Variants in TENM1 observed in about 807,000 individuals in gnomAD.
TENM1 encodes teneurin transmembrane protein 1.
Under a neutral mutation model 174.8 loss-of-function variants are expected in TENM1, and 35 were observed. The observed-to-expected ratio is 0.20, with a 90% CI of 0.15 to 0.27. The LOEUF (loss-of-function observed/expected upper bound fraction) is 0.27. TENM1 is among the 10% of genes least tolerant of loss of function. The probability of loss-of-function intolerance (pLI) is 1.00; values close to 1 mark genes in which losing one functional copy is unlikely to be tolerated. For synonymous variants in TENM1, 781 were observed against 798.7 expected, an observed-to-expected ratio of 0.98 and a Z score of 0.37; for missense variants, 1,633 against 2,130.1, an observed-to-expected ratio of 0.77 and a Z score of 4.59.
chrX:124,510,687 C>G (rs899258364), intron 18 of TENM1, among the ~76,000 whole-genome samples: 4 of 110,307 alleles, frequency 3.6e-5, no homozygotes, highest in Non-Finnish European at 7.6e-5. Context: ...GGCTTATCAT[C>G]TTACCAATGG....
chrX:124,492,205 G>A (rs1231603271), intron 20 of TENM1, among the ~76,000 whole-genome samples: 3 of 111,259 alleles, frequency 2.7e-5, no homozygotes, highest in East Asian at 2.8e-4. Flanking sequence ...GGCTATATTC[G>A]TCTGTGTTTC....
At chrX:124,641,089 T>A (rs1029018829) in intron 11 of TENM1, among the ~76,000 whole-genome samples, 17 of 111,020 alleles carry the variant, frequency 1.5e-4, no homozygotes, top group Non-Finnish European at 1.9e-5. Context: ...CAATAGCATC[T>A]CATGAAGAGG....
At chrX:124,799,428 C>T (rs1049138100) in intron 3 of TENM1, among the ~76,000 whole-genome samples, 7 of 110,539 alleles carry the variant, frequency 6.3e-5, no homozygotes, top group African/African-American at 2.3e-4. Context: ...TAGCTGTATT[C>T]CTAGGTATTT....
chrX:124,868,499 A>G (rs746726791), intron 3 of TENM1, among the ~76,000 whole-genome samples: 1 of 111,614 alleles, frequency 9.0e-6, no homozygotes, highest in South Asian at 3.8e-4. Flanking sequence ...TAAAGACTTA[A>G]ATCTAAGACC....
chrX:125,160,433 CAGG>C, the TENM1 span, among the ~76,000 whole-genome samples: 1 of 101,571 alleles, frequency 9.8e-6, no homozygotes, highest in Non-Finnish European at 2.0e-5. Flanking sequence ...GAGGCTGAGG[CAGG>C]AGAATTGTTG....
At chrX:124,872,029 T>TAAAAA (rs1344544670) in intron 3 of TENM1, among the ~76,000 whole-genome samples, 1 of 58,315 alleles carries the variant, frequency 1.7e-5, no homozygotes, top group African/African-American at 9.8e-5. Flanking sequence ...AGACTCTGTC[T>TAAAAA]CAAAAAAAAA....
At chrX:124,683,874 G>A (rs2052295891) in intron 5 of TENM1, among the ~76,000 whole-genome samples, 1 of 111,790 alleles carries the variant, frequency 8.9e-6, no homozygotes, top group Admixed American at 9.5e-5. Flanking sequence ...AATGTTTCCT[G>A]AAATGCTTTA....
intron 3 of TENM1, among the ~76,000 whole-genome samples, chrX:124,741,602 G>A (rs754256298): frequency 5.4e-5 from 6 of 111,928 alleles, no homozygotes; most frequent in South Asian, 3.7e-4. Flanking sequence ...AGGGATACGC[G>A]AATGCCATAC....
At chrX:124,738,898 T>C (rs773240231) in intron 3 of TENM1, among the ~76,000 whole-genome samples, 4 of 112,281 alleles carry the variant, frequency 3.6e-5, no homozygotes, top group Non-Finnish European at 7.5e-5. Context: ...AACTCACATC[T>C]CTTGACTCTC....
intron 5 of TENM1, among the ~76,000 whole-genome samples, chrX:124,676,308 AT>A (rs2052083483): frequency 1.7e-5 from 1 of 58,155 alleles, no homozygotes; most frequent in Non-Finnish European, 3.2e-5. Flanking sequence ...ATATATATAT[AT>A]ATATACTCAA....
At chrX:124,974,582 C>A in the TENM1 span, among the ~76,000 whole-genome samples, 12 of 110,214 alleles carry the variant, frequency 1.1e-4, no homozygotes, top group Non-Finnish European at 2.3e-4. Context: ...GATCTCACAT[C>A]TCTTTTTGTA....
At chrX:124,444,429 G>A (rs978650009) in intron 23 of TENM1, among the ~76,000 whole-genome samples, 3 of 111,662 alleles carry the variant, frequency 2.7e-5, no homozygotes, top group African/African-American at 3.3e-5. Flanking sequence ...AAAAAATCCC[G>A]GTCAACTTTA....
At chrX:124,979,176 C>A in the TENM1 span, among the ~76,000 whole-genome samples, 1 of 112,852 alleles carries the variant, frequency 8.9e-6, no homozygotes, top group African/African-American at 3.2e-5. Flanking sequence ...CAGTCCCAGG[C>A]CTAATCATCA....
At chrX:125,061,452 G>C in the TENM1 span, among the ~76,000 whole-genome samples, 1 of 111,806 alleles carries the variant, frequency 8.9e-6, no homozygotes, top group East Asian at 2.8e-4. Flanking sequence ...ATTGTGCTTG[G>C]CTACAGTATG....
intron 3 of TENM1, among the ~76,000 whole-genome samples, chrX:124,890,638 C>T (rs985622201): frequency 3.6e-5 from 4 of 111,147 alleles, no homozygotes; most frequent in Non-Finnish European, 7.5e-5. Context: ...TAGCATCTCA[C>T]CCCAGTTACA....
chrX:124,385,891 G>A (rs758088621), exon 29 of TENM1: 1 of 1,210,431 alleles, frequency 8.3e-7, no homozygotes, highest in South Asian at 1.8e-5. Flanking sequence ...TATAGTCTTG[G>A]ATAAAAGAAG....
intron 1 of TENM1, among the ~76,000 whole-genome samples, chrX:124,927,353 C>A (rs1379317655): frequency 1.8e-5 from 2 of 111,467 alleles, no homozygotes; most frequent in African/African-American, 6.5e-5. Context: ...TCCCCACTTA[C>A]ATAAAAACTA....
At chrX:124,405,409 T>A (rs2060452381) in intron 26 of TENM1, 143 bp from the exon 30 acceptor site, 1 of 464,356 alleles carries the variant, frequency 2.2e-6, no homozygotes, top group African/African-American at 2.4e-5. Flanking sequence ...TGGGCTAGAC[T>A]ACCGCTCTGA....
At chrX:124,398,300 GT>G (rs1404173962) in intron 27 of TENM1, among the ~76,000 whole-genome samples, 1 of 108,080 alleles carries the variant, frequency 9.3e-6, no homozygotes, top group Non-Finnish European at 1.9e-5. Context: ...AAGGTAATTA[GT>G]ATTTGATTTT....
Sources: allele counts gnomAD v4.1 joint callset (sites outside exome capture counted in the v4.1 genomes callset), GRCh38; gene constraint gnomAD v4.1.1; transcripts MANE v1.5; gene names NCBI Gene and HGNC (gene_info 2026-07-23, HGNC 2026-07-21).